The following STARD13 variants were observed in gnomAD, a reference collection of about 807,000 sequenced individuals.
The protein encoded by STARD13 is stAR-related lipid transfer protein 13.
In STARD13, 62 loss-of-function variants were observed where a neutral mutation model predicts 106.4. The observed-to-expected ratio is 0.58, with a 90% CI of 0.48 to 0.72. The LOEUF (loss-of-function observed/expected upper bound fraction) is 0.72, where lower values mean the gene tolerates loss of function less well. Among genes scored for constraint, STARD13 ranks in the 30% least tolerant of loss-of-function variants. The pLI, the probability that STARD13 is intolerant of heterozygous loss-of-function variation, is 0.00. For missense variants in STARD13, 1,387 were observed against 1,424.0 expected (o/e 0.97, Z 0.42); for synonymous variants, 565 against 553.0 (o/e 1.02, Z -0.31).
the STARD13 span, among the ~76,000 whole-genome samples, chr13:33,676,217 G>A: frequency 0.021 from 3,166 of 152,254 alleles, 49 homozygotes; most frequent in African/African-American, 0.037. Flanking sequence ...CCCCTCCCAT[G>A]CCTAAGCAAG....
chr13:33,410,735 C>T, the STARD13 span, among the ~76,000 whole-genome samples: 1 of 152,180 alleles, frequency 6.6e-6, no homozygotes, highest in Non-Finnish European at 1.5e-5. Context: ...AATGAAATCA[C>T]AAACTGCCCT....
intron 3 of STARD13, among the ~76,000 whole-genome samples, chr13:33,165,104 CT>C: frequency 6.6e-6 from 1 of 152,094 alleles, no homozygotes. Flanking sequence ...TCTCTTCTTT[CT>C]CTGTCATTTT....
chr13:33,613,283 C>T, the STARD13 span, among the ~76,000 whole-genome samples: 1 of 152,146 alleles, frequency 6.6e-6, no homozygotes, highest in African/African-American at 2.4e-5. Context: ...AAGGGTGAGT[C>T]TAAGCTTACA....
chr13:33,642,074 C>T, the STARD13 span, among the ~76,000 whole-genome samples: 2 of 152,054 alleles, frequency 1.3e-5, no homozygotes, highest in Non-Finnish European at 2.9e-5. Flanking sequence ...TTTTCTTTCC[C>T]GTCACCCTAC....
intron 1 of STARD13, among the ~76,000 whole-genome samples, chr13:33,263,914 C>G (rs192560293): frequency 6.6e-6 from 1 of 152,148 alleles, no homozygotes; most frequent in Non-Finnish European, 1.5e-5. Flanking sequence ...CCTGAGCAGA[C>G]CTTTATGGCT....
upstream of STARD13, among the ~76,000 whole-genome samples, chr13:33,353,451 C>T (rs1354352310): frequency 6.6e-6 from 1 of 152,168 alleles, no homozygotes; most frequent in Non-Finnish European, 1.5e-5. Flanking sequence ...AGGCGACACC[C>T]TCCCCTGGGT....
downstream of STARD13, among the ~76,000 whole-genome samples, chr13:33,347,696 C>A (rs146199712): frequency 5.2e-4 from 79 of 152,222 alleles, no homozygotes; most frequent in Non-Finnish European, 1.0e-3. Flanking sequence ...GTGTAGTAGG[C>A]TATACCATCC....
At chr13:33,324,627 T>G (rs1594263973) in intron 1 of STARD13, among the ~76,000 whole-genome samples, 1 of 152,362 alleles carries the variant, frequency 6.6e-6, no homozygotes, top group African/African-American at 2.4e-5. Flanking sequence ...TAGCGTTTCA[T>G]GTCTTTTCTA....
At chr13:33,291,088 A>T (rs954117482) in intron 1 of STARD13, among the ~76,000 whole-genome samples, 1 of 152,206 alleles carries the variant, frequency 6.6e-6, no homozygotes, top group African/African-American at 2.4e-5. Context: ...AATATTAAAC[A>T]TTTTCTAATC....
the STARD13 span, among the ~76,000 whole-genome samples, chr13:33,408,768 C>T: frequency 2.0e-5 from 3 of 152,102 alleles, no homozygotes; most frequent in Admixed American, 6.6e-5. Context: ...GTCCCACCTC[C>T]CTCACCTCTC....
At chr13:33,405,174 ATGCCCATCTGAGTCAGT>A in the STARD13 span, among the ~76,000 whole-genome samples, 1 of 152,234 alleles carries the variant, frequency 6.6e-6, no homozygotes, top group Non-Finnish European at 1.5e-5. Flanking sequence ...TTAAGAATTA[ATGCCCATCTGAGTCAGT>A]GGTACTGATC....
At chr13:33,455,696 G>A in the STARD13 span, among the ~76,000 whole-genome samples, 2 of 152,120 alleles carry the variant, frequency 1.3e-5, no homozygotes, top group Non-Finnish European at 2.9e-5. Context: ...TACTGTGGGA[G>A]GCTGAGGTGG....
chr13:33,263,445 T>C (rs1479567006), intron 1 of STARD13, among the ~76,000 whole-genome samples: 1 of 152,142 alleles, frequency 6.6e-6, no homozygotes, highest in East Asian at 1.9e-4. Context: ...ACAAATGAAA[T>C]GAGAGAACTT....
At chr13:33,264,535 G>C (rs1017231536) in intron 1 of STARD13, among the ~76,000 whole-genome samples, 1 of 152,192 alleles carries the variant, frequency 6.6e-6, no homozygotes, top group African/African-American at 2.4e-5. Flanking sequence ...GGTCTTTCTT[G>C]ACACATAGAA....
intron 2 of STARD13, among the ~76,000 whole-genome samples, chr13:33,166,668 G>C (rs965346924): frequency 6.6e-6 from 1 of 152,274 alleles, no homozygotes; most frequent in South Asian, 2.1e-4. Context: ...TTAGATATAA[G>C]GGACATGAGT....
At chr13:33,654,267 A>G in the STARD13 span, among the ~76,000 whole-genome samples, 1 of 152,256 alleles carries the variant, frequency 6.6e-6, no homozygotes, top group Non-Finnish European at 1.5e-5. Context: ...GACAAATAGA[A>G]TTAAAGTATT....
chr13:33,512,665 C>T, the STARD13 span, among the ~76,000 whole-genome samples: 2 of 151,984 alleles, frequency 1.3e-5, no homozygotes, highest in Admixed American at 6.6e-5. Context: ...GATGGGGTTT[C>T]GCCATGTTGG....
the STARD13 span, among the ~76,000 whole-genome samples, chr13:33,669,530 C>CTTTTTTT: frequency 1.9e-5 from 2 of 103,156 alleles, no homozygotes; most frequent in African/African-American, 8.7e-5. Flanking sequence ...AGAGGATGTT[C>CTTTTTTT]TTTTTTTTTT....
the STARD13 span, among the ~76,000 whole-genome samples, chr13:33,418,657 G>A: frequency 2.0e-5 from 3 of 152,220 alleles, no homozygotes; most frequent in South Asian, 2.1e-4. Flanking sequence ...CCTGACCCCC[G>A]TGTAGCCAAA....
Sources: allele counts gnomAD v4.1 joint callset (sites outside exome capture counted in the v4.1 genomes callset), GRCh38; gene constraint gnomAD v4.1.1; transcripts MANE v1.5; gene names NCBI Gene and HGNC (gene_info 2026-07-23, HGNC 2026-07-21).